B3GALT1: variants seen among roughly 807,000 people sequenced by gnomAD.
B3GALT1 encodes the protein UDP-Gal:betaGlcNAc beta 1,3-galactosyltransferase, polypeptide 1.
In B3GALT1, 10 loss-of-function variants were observed where a neutral mutation model predicts 23.2. The ratio of observed to expected loss-of-function variants is 0.43; its 90% CI spans 0.27 to 0.73. The LOEUF is 0.73. Among genes scored for constraint, B3GALT1 ranks in the 30% least tolerant of loss-of-function variants. The probability of loss-of-function intolerance (pLI) is 0.21; values close to 1 mark genes in which losing one functional copy is unlikely to be tolerated. For missense variants in B3GALT1, 299 were observed against 405.4 expected (o/e 0.74, Z 2.25); for synonymous variants, 156 against 141.5 (o/e 1.10, Z -0.73).
chr2:167,488,819 A>G (rs1699661521), intron 1 of B3GALT1, among the ~76,000 whole-genome samples: 1 of 152,120 alleles, frequency 6.6e-6, no homozygotes, highest in African/African-American at 2.4e-5. Flanking sequence ...ACTTCATATA[A>G]ATGTAACTAT....
intron 3 of B3GALT1, among the ~76,000 whole-genome samples, chr2:167,788,158 G>A (rs1688373631): frequency 6.6e-6 from 1 of 151,358 alleles, no homozygotes; most frequent in Admixed American, 6.6e-5. Context: ...CTGGGAAATA[G>A]AGTTTCTTTA....
chr2:167,762,592 A>G (rs867779644), intron 3 of B3GALT1, among the ~76,000 whole-genome samples: 76 of 152,078 alleles, frequency 5.0e-4, no homozygotes, highest in African/African-American at 1.5e-3. Flanking sequence ...AAAAAAAAAA[A>G]AAAACACTAA....
chr2:167,338,396 A>G (rs1574038800), intron 1 of B3GALT1, among the ~76,000 whole-genome samples: 1 of 152,298 alleles, frequency 6.6e-6, no homozygotes, highest in African/African-American at 2.4e-5. Flanking sequence ...CTAAAAGTAT[A>G]TACAAAGCAG....
intron 2 of B3GALT1, among the ~76,000 whole-genome samples, chr2:167,567,948 C>A (rs1684206811): frequency 6.6e-6 from 1 of 152,102 alleles, no homozygotes; most frequent in Non-Finnish European, 1.5e-5. Context: ...ATAGTTTTGC[C>A]TTTTCCAGAA....
chr2:167,765,208 A>T (rs1302858200), intron 3 of B3GALT1, among the ~76,000 whole-genome samples: 1 of 152,180 alleles, frequency 6.6e-6, no homozygotes, highest in Non-Finnish European at 1.5e-5. Flanking sequence ...CTGACTGGTG[A>T]TTCACTGTGG....
At chr2:167,865,787 G>A (rs1027820096) in intron 4 of B3GALT1, among the ~76,000 whole-genome samples, 17 of 152,164 alleles carry the variant, frequency 1.1e-4, no homozygotes, top group South Asian at 4.2e-4. Context: ...GCGAGACTCC[G>A]TCTCAAAAAC....
chr2:167,565,645 T>G (rs570877091), intron 2 of B3GALT1, among the ~76,000 whole-genome samples: 15 of 152,058 alleles, frequency 9.9e-5, no homozygotes, highest in African/African-American at 3.6e-4. Context: ...TACAATGAAC[T>G]CAAACAAATT....
intron 1 of B3GALT1, among the ~76,000 whole-genome samples, chr2:167,386,427 T>C (rs16853549): frequency 0.011 from 1,623 of 152,274 alleles, 30 homozygotes; most frequent in African/African-American, 0.036. Context: ...AAATAATGGT[T>C]CTTAATTGAA....
chr2:167,491,605 G>A (rs1208129729), intron 2 of B3GALT1, among the ~76,000 whole-genome samples: 3 of 151,434 alleles, frequency 2.0e-5, no homozygotes, highest in African/African-American at 4.9e-5. Context: ...ACGAGGTCAG[G>A]AGATCGAGAC....
At chr2:167,443,034 C>G (rs1307425210) in intron 1 of B3GALT1, among the ~76,000 whole-genome samples, 1 of 152,042 alleles carries the variant, frequency 6.6e-6, no homozygotes, top group Non-Finnish European at 1.5e-5. Flanking sequence ...TTTAATCCAT[C>G]TTGAATTGAT....
At chr2:167,673,009 G>C (rs1686359897) in intron 3 of B3GALT1, among the ~76,000 whole-genome samples, 1 of 150,418 alleles carries the variant, frequency 6.6e-6, no homozygotes, top group Non-Finnish European at 1.5e-5. Context: ...GGGTATCTGG[G>C]GGTATCTAAT....
chr2:167,399,440 A>G (rs1251275149), intron 1 of B3GALT1, among the ~76,000 whole-genome samples: 1 of 152,122 alleles, frequency 6.6e-6, no homozygotes, highest in Admixed American at 6.6e-5. Context: ...TGTCACTAGA[A>G]AGTGTATTTT....
At chr2:167,844,066 T>C (rs766088712) in intron 4 of B3GALT1, among the ~76,000 whole-genome samples, 30 of 152,176 alleles carry the variant, frequency 2.0e-4, no homozygotes, top group Non-Finnish European at 4.0e-4. Flanking sequence ...AGTGGAGAGA[T>C]GCTTACATGA....
intron 1 of B3GALT1, among the ~76,000 whole-genome samples, chr2:167,391,464 C>T (rs763076056): frequency 3.9e-5 from 6 of 152,118 alleles, no homozygotes; most frequent in Non-Finnish European, 7.3e-5. Context: ...ATGAAGAACA[C>T]TTATATGAAT....
intron 2 of B3GALT1, among the ~76,000 whole-genome samples, chr2:167,550,992 C>T (rs1332704025): frequency 6.6e-6 from 1 of 152,074 alleles, no homozygotes; most frequent in Non-Finnish European, 1.5e-5. Context: ...CCTGCCATCC[C>T]CCACGGCCCA....
chr2:167,650,302 C>CTATA (rs199838551), intron 3 of B3GALT1, among the ~76,000 whole-genome samples: 3 of 146,554 alleles, frequency 2.0e-5, no homozygotes, highest in South Asian at 2.1e-4. Flanking sequence ...ACCACTTGAT[C>CTATA]TATATATATA....
At chr2:167,542,002 G>C (rs1304435354) in intron 2 of B3GALT1, among the ~76,000 whole-genome samples, 2 of 152,058 alleles carry the variant, frequency 1.3e-5, no homozygotes, top group Non-Finnish European at 2.9e-5. Flanking sequence ...ACTGAACTTA[G>C]AGGGATATTT....
intron 3 of B3GALT1, among the ~76,000 whole-genome samples, chr2:167,654,419 G>T (rs886494993): frequency 6.6e-6 from 1 of 152,108 alleles, no homozygotes; most frequent in Admixed American, 6.5e-5. Flanking sequence ...GAGTGGGAAG[G>T]GGGAGCTAAA....
chr2:167,639,839 C>A (rs1403763017), intron 2 of B3GALT1, among the ~76,000 whole-genome samples: 1 of 151,994 alleles, frequency 6.6e-6, no homozygotes, highest in Non-Finnish European at 1.5e-5. Context: ...TATTAACTGG[C>A]CCCTGCATAT....
Sources: gnomAD v4.1 joint callset for allele counts (sites outside exome capture counted in the v4.1 genomes callset) on GRCh38, gnomAD v4.1.1 for gene constraint, MANE v1.5 for transcripts, NCBI Gene and HGNC (gene_info 2026-07-23, HGNC 2026-07-21) for gene names.